Variants in TNXB observed in about 807,000 individuals in gnomAD.
TNXB encodes the protein tenascin-X.
In TNXB, 183 loss-of-function variants were observed where a neutral mutation model predicts 340.5. The ratio of observed to expected loss-of-function variants is 0.54; its 90% CI spans 0.48 to 0.61. The LOEUF (loss-of-function observed/expected upper bound fraction) is 0.61, where lower values mean the gene tolerates loss of function less well. Ranked by LOEUF, TNXB falls within the 20% of genes least tolerant of loss-of-function variation. The pLI, the probability that TNXB is intolerant of heterozygous loss-of-function variation, is 0.00. For missense variants in TNXB, 4,613 were observed against 5,446.4 expected (o/e 0.85, Z 4.82); for synonymous variants, 2,121 against 2,314.5 (o/e 0.92, Z 2.40).
rs1776897369 is a variant in TNXB at position 32,046,511 on chromosome 6, C to T, written c.10325-55G>A. On this transcript the variant is annotated intron_variant, in intron 30 of 43. Transcript: ENST00000644971. This position sits in a 1 kb window ranked among gnomAD's most constrained non-coding sequence, Gnocchi z 6.9. ...GTCACATGCTGCCTTTGCCTAAGCC[C>T]TGGCAGCCTCCCGGAGGTGTGAGGT... 6 of 1,466,078 alleles carry T rather than the reference C, an allele frequency of 4.1e-6. No individual in the cohort carries two copies. The highest frequency in any genetic ancestry group is 1.4e-5 in the African/African-American group (1 of 71,660). The allele number at this position is 1,466,078 out of a possible 1,614,324, so 90.8% of individuals were successfully genotyped here.
rs896798354 is a variant in TNXB, at chr6:32,083,774, C to T, written c.3445+639G>A. ...TCCTGGGCTCAAGCGATCCTCCCAC[C>T]TCAAGCCTCTCAAGTAGCTGGGACT... On this transcript the variant is annotated intron_variant, in intron 8 of 43. Transcript: ENST00000644971. The surrounding 1 kb of genome is among the most constrained non-coding windows in gnomAD (Gnocchi z 4.6). Among the ~76,000 whole-genome samples, 1 of 152,184 alleles carries T rather than the reference C, an allele frequency of 6.6e-6. No individual in the cohort carries two copies. The highest frequency in any genetic ancestry group is 2.4e-5 in the African/African-American group (1 of 41,432).
rs763806880 is a variant in TNXB, at chr6:32,087,522, C to T, written c.2779+1263G>A. 4.3e-6 allele frequency: 2 copies of T among 468,822 alleles called. No homozygotes were observed. The highest frequency in any genetic ancestry group is 6.8e-4 in the Middle Eastern group (1 of 1,476). The allele number at this position is 468,822 out of a possible 1,614,324, so 29.0% of individuals were successfully genotyped here. On this transcript the variant is annotated intron_variant, in intron 6 of 43. Transcript: ENST00000644971. This position sits in a 1 kb window ranked among gnomAD's most constrained non-coding sequence, Gnocchi z 9.0. Reference sequence around the variant, plus strand: ...GCACCTCTGGCTTGGGGTGGCGGGACGCAGCCACCCGGTCGACGCCTTCAG... The same window carrying T: ...GCACCTCTGGCTTGGGGTGGCGGGATGCAGCCACCCGGTCGACGCCTTCAG...
intron 22 of TNXB, 133 bp downstream of exon 22, chr6:32,057,923 CAT>C: frequency 8.7e-7 from 1 of 1,149,696 alleles, no homozygotes; most frequent in South Asian, 1.7e-5. Context: ...CTCTCCATGA[CAT>C]GTCTTTCCAT....
chr6:32,048,439 G>C lies in TNXB; in HGVS notation c.9969C>G (p.Ala3323=), dbSNP rs762087006. The change falls in exon 29 of 44, where the codon GCC becomes GCG. Residue 3323 remains alanine (A), a synonymous_variant. Coordinates refer to ENST00000644971, the MANE Select transcript of TNXB (RefSeq NM_001365276.2). ...CAAAGAGCAGGAACTTGTACTTGCG[G>C]GCCGGGTCCAGCCCCGAGACGGCGA... ...RAVAVSGLDP[A]RKYKFLLFGL... The C allele has an allele frequency of 3.8e-6, 6 of 1,576,636 alleles. No individual in the cohort carries two copies. In the African/African-American group the frequency reaches 6.8e-5, roughly 18 times the overall value.
rs776303206 is a variant in TNXB, at chr6:32,068,612, G to A, written c.5998C>T (p.Pro2000Ser). The change falls in exon 17 of 44, where the codon CCT becomes TCT. Residue 2000 changes from proline (P) to serine (S), a missense_variant. By Grantham distance (74) the Pro-to-Ser change is moderately conservative. Transcript: ENST00000644971. The surrounding 1 kb of genome is among the most constrained non-coding windows in gnomAD (Gnocchi z 5.3). The part of the protein sequence containing the change: ...LGELTVTDAT[P>S]DSLSLSWTVP... ...GTCCAGGACAGGCTGAGGGAGTCAG[G>A]GGTGGCATCTGTCACGGTCAGCTCC... 7.4e-6 allele frequency: 12 copies of A among 1,613,828 alleles called. No individual in the cohort carries two copies. Among genetic ancestry groups the A allele is most frequent in the South Asian group, 1.1e-5 (1 of 91,076 alleles).
intron 13 of TNXB, among the ~76,000 whole-genome samples, chr6:32,071,411 C>T (rs1337645569): frequency 6.6e-6 from 1 of 151,988 alleles, no homozygotes; most frequent in Non-Finnish European, 1.5e-5. Flanking sequence ...CCCCTTCTCC[C>T]AGCACCCCCA....
chr6:32,095,999 G>C lies in TNXB; in HGVS notation c.1854C>G (p.Ile618Met), dbSNP rs370432702. ...WEGYVSEDCS[I>M]RTCPSNCHGR... ...CGTGGCAGTTGGAGGGGCAGGTGCG[G>C]ATGCTGCAGTCCTCACTCACGTAGC... is the stretch of plus-strand genomic sequence containing the variant. Residue 618 changes from isoleucine (I) to methionine (M), a missense_variant, in exon 3 of 44, where the codon ATC (isoleucine) becomes ATG (methionine). Ile to Met is a conservative substitution (Grantham distance 10, BLOSUM62 1). Coordinates refer to ENST00000644971, the MANE Select transcript of TNXB (RefSeq NM_001365276.2). 4.4e-5 allele frequency: 71 copies of C among 1,612,706 alleles called. No individual in the cohort carries two copies. Among genetic ancestry groups the C allele is most frequent in the Non-Finnish European group, 5.7e-5 (67 of 1,179,728 alleles).
At chr6:32,100,447 G>T (rs911207967) in intron 1 of TNXB, among the ~76,000 whole-genome samples, 2 of 152,146 alleles carry the variant, frequency 1.3e-5, no homozygotes, top group African/African-American at 4.8e-5. Flanking sequence ...CTAACCATAG[G>T]CCGGGTGCAG....
rs760559455 is a variant in TNXB at position 32,058,021 on chromosome 6, G to A, written c.7825+37C>T. On this transcript the variant is annotated intron_variant, in intron 22 of 43. Transcript: ENST00000644971. The surrounding 1 kb of genome is among the most constrained non-coding windows in gnomAD (Gnocchi z 5.1). ...GGTAGAGAAGGGCACATTTTCTAGGGCTGTCTTCCAACCCTGCCCCACCCA... is the reference window on the plus strand; with the variant it reads ...GGTAGAGAAGGGCACATTTTCTAGGACTGTCTTCCAACCCTGCCCCACCCA... The A allele has an allele frequency of 4.5e-6, 7 of 1,566,592 alleles. No individual in the cohort carries two copies. The highest frequency in any genetic ancestry group is 5.2e-6 in the Non-Finnish European group (6 of 1,157,840).
intron 26 of TNXB, 70 bp from the exon 27 acceptor site, chr6:32,050,391 A>G: frequency 2.5e-6 from 4 of 1,570,750 alleles, no homozygotes; most frequent in Non-Finnish European, 3.5e-6. Context: ...ATGTGTCACA[A>G]AACACAAAGT....
chr6:32,056,524 C>A (rs951971994), intron 23 of TNXB, 62 bp downstream of exon 23: 2 of 1,581,014 alleles, frequency 1.3e-6, no homozygotes, highest in African/African-American at 2.7e-5. Flanking sequence ...CCAGTCATCA[C>A]CAAAGAGCAA....
In TNXB at chr6:32,068,090, C is replaced by T; in HGVS notation, c.6221-106G>A. The T allele has an allele frequency of 6.9e-7, 1 of 1,450,080 alleles. No homozygotes were observed. Among genetic ancestry groups the T allele is most frequent in the Non-Finnish European group, 9.2e-7 (1 of 1,085,322 alleles). 89.8% of individuals were successfully genotyped at this position (1,450,080 alleles called of 1,614,324 possible). ...GGACCCGAGGTCAGTTCAGAGAGGC[C>T]TACTCTTGGGGCTGGGTGGTCCTGC... is the stretch of plus-strand genomic sequence containing the variant. On this transcript the variant is annotated intron_variant, in intron 17 of 43. Coordinates refer to ENST00000644971, the MANE Select transcript of TNXB (RefSeq NM_001365276.2). This position sits in a 1 kb window ranked among gnomAD's most constrained non-coding sequence, Gnocchi z 5.3.
At chr6:32,093,459 G>A (rs772773673) in intron 4 of TNXB, 9 of 690,648 alleles carry the variant, frequency 1.3e-5, no homozygotes, top group Non-Finnish European at 2.4e-5. Context: ...GGGCTGGCCT[G>A]AGGAGCATAA....
chr6:32,093,704 C>G (rs1278497222), intron 4 of TNXB, among the ~76,000 whole-genome samples: 1 of 152,116 alleles, frequency 6.6e-6, no homozygotes, highest in Admixed American at 6.5e-5. Context: ...GGGGAAACGA[C>G]CATATCTTAA....
In TNXB at chr6:32,083,925, G is replaced by T. The variant is rs1364447321; in HGVS notation, c.3445+488C>A. On this transcript the variant is annotated intron_variant, in intron 8 of 43. Transcript: ENST00000644971. The surrounding 1 kb of genome is among the most constrained non-coding windows in gnomAD (Gnocchi z 4.6). ...GATCCTCCTGCCTTGGCCTCCCAAG[G>T]TGCTGGGATTATAGGCAGGATCAAC... Among the ~76,000 whole-genome samples the T allele has an allele frequency of 6.6e-6, 1 of 152,114 alleles. No individual in the cohort carries two copies. Among genetic ancestry groups the T allele is most frequent in the Admixed American group, 6.5e-5 (1 of 15,270 alleles).
chr6:32,047,296 G>A lies in TNXB; in HGVS notation c.10324+438C>T, dbSNP rs1430531296. Reference sequence around the variant, plus strand: ...TGAGTCATAGGCATAGTGACACCAGGTTTTTCCATCGTCTTTCCATAGCCA... The same window carrying A: ...TGAGTCATAGGCATAGTGACACCAGATTTTTCCATCGTCTTTCCATAGCCA... On this transcript the variant is annotated intron_variant, in intron 30 of 43. Coordinates refer to ENST00000644971, the MANE Select transcript of TNXB (RefSeq NM_001365276.2). This position sits in a 1 kb window ranked among gnomAD's most constrained non-coding sequence, Gnocchi z 6.2. Among the ~76,000 whole-genome samples, 1 of 152,220 alleles carries A rather than the reference G, an allele frequency of 6.6e-6. No homozygotes were observed. Among genetic ancestry groups the A allele is most frequent in the African/African-American group, 2.4e-5 (1 of 41,454 alleles).
At chr6:32,063,073 A>AAAAC (rs989192057) in intron 19 of TNXB, among the ~76,000 whole-genome samples, 18 of 149,326 alleles carry the variant, frequency 1.2e-4, no homozygotes, top group East Asian at 2.0e-4. Context: ...CAAACAAACA[A>AAAAC]AAACAAACAA....
At chr6:32,105,621 AGGTCAGGGCTAGGACCAC>A (rs1462286527) in intron 1 of TNXB, among the ~76,000 whole-genome samples, 1 of 152,236 alleles carries the variant, frequency 6.6e-6, no homozygotes, top group Non-Finnish European at 1.5e-5. Context: ...GGCAGGACCA[AGGTCAGGGCTAGGACCAC>A]GGACAGTGTC....
chr6:32,071,744 C>T lies in TNXB; in HGVS notation c.4990+246G>A, dbSNP rs147644576. On this transcript the variant is annotated intron_variant, in intron 13 of 43. Coordinates refer to ENST00000644971, the MANE Select transcript of TNXB (RefSeq NM_001365276.2). ...GGAATTACTAGCACCCATCACCACACCCAGCTAATTTTTGTCTTTTTAGTA... is the reference window on the plus strand; with the variant it reads ...GGAATTACTAGCACCCATCACCACATCCAGCTAATTTTTGTCTTTTTAGTA... Among the ~76,000 whole-genome samples the T allele has an allele frequency of 5.3e-3, 807 of 152,274 alleles. 4 individuals are homozygous for T. Among genetic ancestry groups the T allele is most frequent in the Middle Eastern group, 0.01 (3 of 294 alleles).
Sources: allele counts gnomAD v4.1 joint callset (sites outside exome capture counted in the v4.1 genomes callset), GRCh38; gene constraint gnomAD v4.1.1; non-coding constraint Gnocchi (gnomAD v3.1); transcripts MANE v1.5; gene names NCBI Gene and HGNC (gene_info 2026-07-23, HGNC 2026-07-21).